FAT4: variants seen among roughly 807,000 people sequenced by gnomAD.
The protein encoded by FAT4 is FAT atypical cadherin 4.
A neutral mutation model predicts 303.9 loss-of-function variants in FAT4; 84 were observed. That is an observed-to-expected ratio of 0.28 (90% CI 0.23 to 0.33). The LOEUF is 0.33. FAT4 is among the 10% of genes least tolerant of loss of function. FAT4 has a pLI of 1.00. For synonymous variants in FAT4, 2,307 were observed against 2,298.8 expected, an observed-to-expected ratio of 1.00 and a Z score of -0.10; for missense variants, 6,005 against 6,146.8, an observed-to-expected ratio of 0.98 and a Z score of 0.77.
Position 125,321,057 on chromosome 4 carries a change from C to G in FAT4, c.4646C>G (p.Thr1549Arg). Residue 1549 changes from threonine (T) to arginine (R), a missense_variant, in exon 2 of 18, where the codon ACA becomes AGA. By Grantham distance (71) the Thr-to-Arg change is moderately conservative. Coordinates refer to ENST00000394329, the MANE Select transcript of FAT4 (RefSeq NM_001291303.3). ...PSAVIGSVLTTIMAADPDEGA... is the reference protein window; with the variant it reads ...PSAVIGSVLTRIMAADPDEGA... ...GCTGTGATTGGTTCCGTTCTGACAA[C>G]AATTATGGCTGCTGACCCAGATGAA... The G allele has an allele frequency of 6.2e-7, 1 of 1,614,152 alleles. No homozygotes were observed.
intron 2 of FAT4, among the ~76,000 whole-genome samples, chr4:125,336,404 A>C (rs180722774): frequency 1.3e-5 from 2 of 152,132 alleles, no homozygotes; most frequent in Non-Finnish European, 2.9e-5. Context: ...CTATGTTTTG[A>C]TAAGTGTCAG....
At chr4:125,399,617 C>T (rs1472401659) in intron 3 of FAT4, among the ~76,000 whole-genome samples, 2 of 151,850 alleles carry the variant, frequency 1.3e-5, no homozygotes, top group African/African-American at 4.8e-5. Context: ...AACTTGATTC[C>T]TGGCATATGA....
intron 2 of FAT4, among the ~76,000 whole-genome samples, chr4:125,395,584 G>A (rs981323648): frequency 6.6e-5 from 10 of 152,106 alleles, no homozygotes; most frequent in African/African-American, 1.9e-4. Flanking sequence ...CTCCCAAAGC[G>A]TTGGGATTAC....
At chr4:125,420,535 A>T (rs1431113566) in intron 7 of FAT4, among the ~76,000 whole-genome samples, 1 of 152,176 alleles carries the variant, frequency 6.6e-6, no homozygotes, top group African/African-American at 2.4e-5. Flanking sequence ...AAAAGAAAAA[A>T]GTGCAAATCA....
chr4:125,418,434 A>G (rs1192850097), intron 7 of FAT4, among the ~76,000 whole-genome samples: 7 of 152,264 alleles, frequency 4.6e-5, no homozygotes, highest in African/African-American at 1.7e-4. Flanking sequence ...TACTGACTGC[A>G]TGGTTACAGA....
rs1242473759 is a variant in FAT4, at chr4:125,331,223, TGC to T, written c.5175+9638_5175+9639del. Among the ~76,000 whole-genome samples the T allele has an allele frequency of 3.9e-5, 6 of 152,182 alleles. No homozygotes were observed. The South Asian group carries it at 1.0e-3, about 26-fold the overall frequency. On this transcript the variant is annotated intron_variant, in intron 2 of 17. Coordinates refer to ENST00000394329, the MANE Select transcript of FAT4 (RefSeq NM_001291303.3). ...GAGGGGAAAGCTTTTCATCTGTTTC[TGC>T]TATATGCACAGCACCTACAGTGTGG... is the stretch of plus-strand genomic sequence containing the variant.
In FAT4 at chr4:125,320,545, G is replaced by C. The variant is rs979118250; in HGVS notation, c.4134G>C (p.Leu1378=). ...NTGSIFLAKK[L]DFETQSLYKL... Reference sequence around the variant, plus strand: ...GGAGTATTTTTCTTGCCAAAAAACTGGACTTTGAAACACAGTCTTTGTATA... The same window carrying C: ...GGAGTATTTTTCTTGCCAAAAAACTCGACTTTGAAACACAGTCTTTGTATA... Residue 1378 remains leucine, a synonymous_variant, in exon 2 of 18, where the codon CTG becomes CTC. Transcript: ENST00000394329. 2 of 1,613,782 alleles carry C rather than the reference G, an allele frequency of 1.2e-6. No individual in the cohort carries two copies. The highest frequency in any genetic ancestry group is 1.1e-5 in the South Asian group (1 of 91,080).
intron 2 of FAT4, among the ~76,000 whole-genome samples, chr4:125,341,162 G>A (rs1369364471): frequency 6.6e-6 from 1 of 152,050 alleles, no homozygotes; most frequent in East Asian, 1.9e-4. Flanking sequence ...AAAAGCAATA[G>A]TTCTGAAAGA....
intron 2 of FAT4, among the ~76,000 whole-genome samples, chr4:125,323,267 T>C (rs1324644173): frequency 6.6e-6 from 1 of 152,198 alleles, no homozygotes; most frequent in East Asian, 1.9e-4. Context: ...GTTTTATCAT[T>C]AGATTTATTG....
chr4:125,370,415 T>G (rs183778592), intron 2 of FAT4, among the ~76,000 whole-genome samples: 1 of 152,250 alleles, frequency 6.6e-6, no homozygotes. Context: ...CATGAGGGAT[T>G]ATGCCTAATT....
chr4:125,402,180 G>A (rs1158910324), intron 3 of FAT4, among the ~76,000 whole-genome samples: 1 of 151,480 alleles, frequency 6.6e-6, no homozygotes, highest in Non-Finnish European at 1.5e-5. Flanking sequence ...ACAACTTTAG[G>A]AATATTATTA....
chr4:125,345,823 A>G (rs1282429160), intron 2 of FAT4, among the ~76,000 whole-genome samples: 1 of 152,064 alleles, frequency 6.6e-6, no homozygotes, highest in Non-Finnish European at 1.5e-5. Context: ...AATGTTAACC[A>G]GGTAGATTTT....
At chr4:125,355,003 T>A (rs1161909669) in intron 2 of FAT4, among the ~76,000 whole-genome samples, 2 of 151,828 alleles carry the variant, frequency 1.3e-5, no homozygotes, top group Non-Finnish European at 2.9e-5. Context: ...ACATATTTTT[T>A]AAATTTAGAC....
chr4:125,377,565 A>G (rs1389223356), intron 2 of FAT4, among the ~76,000 whole-genome samples: 1 of 152,186 alleles, frequency 6.6e-6, no homozygotes, highest in Non-Finnish European at 1.5e-5. Flanking sequence ...TTAACTGAGT[A>G]CATACTTGAG....
rs553400907 is a variant in FAT4 at position 125,340,678 on chromosome 4, C to T, written c.5175+19092C>T. Among the ~76,000 whole-genome samples the T allele has an allele frequency of 2.0e-5, 3 of 152,196 alleles. No homozygotes were observed. The South Asian group carries it at 6.2e-4, about 31-fold the overall frequency. Reference sequence around the variant, plus strand: ...CATTTGCAAATTTAGAAGCTCTTCTCTAAAGTTTTCCAGTTTCACTAGTTC... The same window carrying T: ...CATTTGCAAATTTAGAAGCTCTTCTTTAAAGTTTTCCAGTTTCACTAGTTC... On this transcript the variant is annotated intron_variant, in intron 2 of 17. Transcript: ENST00000394329.
At chr4:125,354,719 G>A (rs1309441007) in intron 2 of FAT4, among the ~76,000 whole-genome samples, 1 of 148,954 alleles carries the variant, frequency 6.7e-6, no homozygotes, top group Non-Finnish European at 1.5e-5. Flanking sequence ...TTGGTAGATG[G>A]GAGAATAGTA....
intron 2 of FAT4, among the ~76,000 whole-genome samples, chr4:125,375,267 A>G (rs762798689): frequency 1.3e-5 from 2 of 152,218 alleles, no homozygotes; most frequent in Non-Finnish European, 2.9e-5. Context: ...GAACGTTTTC[A>G]CTGGCAACCT....
chr4:125,425,912 A>C (rs747319873), intron 7 of FAT4, among the ~76,000 whole-genome samples: 14 of 152,112 alleles, frequency 9.2e-5, no homozygotes, highest in Non-Finnish European at 1.8e-4. Flanking sequence ...AGCATTTCTA[A>C]TTAAGGGCAT....
Position 125,317,129 on chromosome 4 carries a change from G to A in FAT4, c.718G>A (p.Val240Met). The A allele has an allele frequency of 6.2e-7, 1 of 1,613,546 alleles. No individual in the cohort carries two copies. The highest frequency in any genetic ancestry group is 8.5e-7 in the Non-Finnish European group (1 of 1,179,860). ...GGGCTACCTTCAGGTAAACGTGACT[G>A]TGCAAGACATTAATGACAACCCCCC... ...RRGYLQVNVTVQDINDNPPVF... is the reference protein window; with the variant it reads ...RRGYLQVNVTMQDINDNPPVF... Residue 240 changes from valine (V) to methionine (M), a missense_variant, in exon 2 of 18, where the codon GTG becomes ATG. Physicochemically the swap from Val to Met is conservative, Grantham distance 21 (BLOSUM62 1). Coordinates refer to ENST00000394329, the MANE Select transcript of FAT4 (RefSeq NM_001291303.3). The surrounding 1 kb of genome is among the most constrained non-coding windows in gnomAD (Gnocchi z 7.0).
Sources: allele counts gnomAD v4.1 joint callset (sites outside exome capture counted in the v4.1 genomes callset), GRCh38; gene constraint gnomAD v4.1.1; non-coding constraint Gnocchi (gnomAD v3.1); transcripts MANE v1.5; gene names NCBI Gene and HGNC (gene_info 2026-07-23, HGNC 2026-07-21).